The following TVP23C variants were observed in gnomAD, a reference collection of about 807,000 sequenced individuals.
TVP23C encodes Golgi apparatus membrane protein TVP23 homolog C.
A neutral mutation model predicts 28.7 loss-of-function variants in TVP23C; 19 were observed. That is an observed-to-expected ratio of 0.66 (90% CI 0.46 to 0.97). The LOEUF (loss-of-function observed/expected upper bound fraction) is 0.97, where lower values mean the gene tolerates loss of function less well. TVP23C is among the 50% of genes least tolerant of loss of function. The probability of loss-of-function intolerance (pLI) is 0.00; values close to 1 mark genes in which losing one functional copy is unlikely to be tolerated. For synonymous variants in TVP23C, 68 were observed against 81.7 expected (o/e 0.83, Z 0.90); for missense variants, 186 against 241.3 (o/e 0.77, Z 1.52).
intron 5 of TVP23C, among the ~76,000 whole-genome samples, chr17:15,544,463 T>C (rs2954741): frequency 0.39 from 59,311 of 151,570 alleles, 12,058 homozygotes; most frequent in East Asian, 0.54. Context: ...AGGAAACTCA[T>C]AGGAAGGAAT....
At chr17:15,557,630 T>G (rs1486175775) in intron 1 of TVP23C, among the ~76,000 whole-genome samples, 4 of 145,098 alleles carry the variant, frequency 2.8e-5, no homozygotes, top group Non-Finnish European at 6.2e-5. Flanking sequence ...TAAATCCTAG[T>G]GTCTAGCAGA....
exon 6 of TVP23C, chr17:15,503,102 T>A (rs1399698720): frequency 6.2e-7 from 1 of 1,614,046 alleles, no homozygotes; most frequent in South Asian, 1.1e-5. Flanking sequence ...GTCTACCTGA[T>A]GAAACTTCCT....
At chr17:15,555,845 C>A (rs1984105319) in intron 1 of TVP23C, among the ~76,000 whole-genome samples, 1 of 152,124 alleles carries the variant, frequency 6.6e-6, no homozygotes, top group African/African-American at 2.4e-5. Context: ...TTTCATGCCT[C>A]CTCGGGGATT....
intron 5 of TVP23C, among the ~76,000 whole-genome samples, chr17:15,545,005 T>TA (rs1003922046): frequency 3.9e-5 from 6 of 152,094 alleles, no homozygotes; most frequent in African/African-American, 1.4e-4. Flanking sequence ...ATATGAGATA[T>TA]AAAAAAGAGT....
At chr17:15,545,956 T>A (rs1476713266) in intron 4 of TVP23C, 40 bp from the exon 5 acceptor site, 4 of 1,587,536 alleles carry the variant, frequency 2.5e-6, no homozygotes, top group African/African-American at 1.4e-5. Context: ...GTTGTGAAAT[T>A]TATCAATAAA....
At chr17:15,525,119 G>A (rs1272823554) in intron 5 of TVP23C, among the ~76,000 whole-genome samples, 1 of 152,252 alleles carries the variant, frequency 6.6e-6, no homozygotes, top group Non-Finnish European at 1.5e-5. Context: ...CTGGAAATCT[G>A]TACCTAGCAC....
intron 3 of TVP23C, among the ~76,000 whole-genome samples, chr17:15,551,538 T>C (rs1165855025): frequency 3.3e-5 from 5 of 152,144 alleles, no homozygotes; most frequent in Non-Finnish European, 1.5e-5. Flanking sequence ...CTTCTCTACC[T>C]CTTCTTTATC....
chr17:15,509,102 AGAT>A (rs774151570), intron 5 of TVP23C, among the ~76,000 whole-genome samples: 32 of 152,366 alleles, frequency 2.1e-4, no homozygotes, highest in Non-Finnish European at 3.7e-4. Flanking sequence ...ACAATTTTAA[AGAT>A]TTGGCGGCCA....
intron 5 of TVP23C, among the ~76,000 whole-genome samples, chr17:15,508,196 C>G (rs999273553): frequency 1.3e-5 from 2 of 152,162 alleles, no homozygotes; most frequent in Non-Finnish European, 2.9e-5. Flanking sequence ...TTGAAGGCAT[C>G]TCTCAGTTGG....
At chr17:15,545,409 C>A (rs1182704467) in intron 5 of TVP23C, among the ~76,000 whole-genome samples, 1 of 152,248 alleles carries the variant, frequency 6.6e-6, no homozygotes, top group Non-Finnish European at 1.5e-5. Flanking sequence ...AGACCCCAAG[C>A]CAGAATCTCC....
chr17:15,512,852 T>G (rs1982059043), intron 5 of TVP23C, among the ~76,000 whole-genome samples: 1 of 152,090 alleles, frequency 6.6e-6, no homozygotes, highest in Admixed American at 6.6e-5. Flanking sequence ...CTATGTCAAA[T>G]CAAAAGGGAG....
exon 6 of TVP23C, chr17:15,502,862 T>C: frequency 1.3e-6 from 2 of 1,576,772 alleles, no homozygotes; most frequent in Non-Finnish European, 1.7e-6. Context: ...TGTGGGTTGT[T>C]TTTAATGCAT....
Position 15,553,815 on chromosome 17 carries a change from G to A in TVP23C, c.110C>T (p.Ser37Leu), listed in dbSNP as rs747886729. Residue 37 changes from serine (S) to leucine (L), a missense_variant, in exon 3 of 6, where the codon TCG becomes TTG. Ser to Leu is a moderately radical substitution (Grantham distance 145). Transcript: ENST00000518321. Reference protein sequence around the residue: ...RKAKIRHPVASFFHLFFRVSA... With the variant: ...RKAKIRHPVALFFHLFFRVSA... ...GACTCGAAAGAATAAGTGGAAAAAC[G>A]ATGCTACTGGATGTCTGAAAACCAA... 8.1e-6 allele frequency: 13 copies of A among 1,613,762 alleles called. No individual in the cohort carries two copies. The highest frequency in any genetic ancestry group is 2.2e-5 in the East Asian group (1 of 44,872).
chr17:15,531,537 A>G (rs1185669217), intron 5 of TVP23C, among the ~76,000 whole-genome samples: 3 of 152,080 alleles, frequency 2.0e-5, no homozygotes, highest in Non-Finnish European at 2.9e-5. Flanking sequence ...TCCTATTTTC[A>G]AATTTGCTGA....
At chr17:15,504,449 G>A (rs1465251) in intron 5 of TVP23C, among the ~76,000 whole-genome samples, 62,296 of 152,094 alleles carry the variant, frequency 0.41, 15,894 homozygotes, top group Non-Finnish European at 0.57. Context: ...AGGAGTTGCT[G>A]GAAGAGAAGA....
chr17:15,544,333 T>A (rs1302151685), intron 5 of TVP23C, among the ~76,000 whole-genome samples: 1 of 152,188 alleles, frequency 6.6e-6, no homozygotes, highest in African/African-American at 2.4e-5. Context: ...AGGCAATGAA[T>A]TGACTTTTTT....
At chr17:15,556,196 C>T (rs1984123305) in intron 1 of TVP23C, among the ~76,000 whole-genome samples, 2 of 152,288 alleles carry the variant, frequency 1.3e-5, no homozygotes, top group Admixed American at 1.3e-4. Context: ...GGATTACAGG[C>T]CTGAGCCACC....
chr17:15,506,797 C>G, intron 5 of TVP23C: 1 of 503,274 alleles, frequency 2.0e-6, no homozygotes, highest in Non-Finnish European at 3.7e-6. Context: ...GTAACACTCA[C>G]CGCGAGGGTC....
At position 15,547,163 on chromosome 17, in the gene TVP23C, T is replaced by A; in HGVS notation, c.241-15A>T. On this transcript the variant is annotated splice_polypyrimidine_tract_variant and intron_variant, in intron 3 of 5. Coordinates refer to ENST00000518321, the MANE Select transcript of TVP23C (RefSeq NM_001135036.2). ...CCTGTGACATTCTGGTGAAGATTAA[T>A]ATAAACAGGCACATTTTAAAAGCAT... The A allele has an allele frequency of 6.2e-7, 1 of 1,612,848 alleles. No homozygotes were observed. Among genetic ancestry groups the A allele is most frequent in the Non-Finnish European group, 8.5e-7 (1 of 1,179,496 alleles).
Sources: allele counts gnomAD v4.1 joint callset (sites outside exome capture counted in the v4.1 genomes callset), GRCh38; gene constraint gnomAD v4.1.1; transcripts MANE v1.5; gene names NCBI Gene and HGNC (gene_info 2026-07-23, HGNC 2026-07-21).